Variants in LRBA observed in about 807,000 individuals in gnomAD.
LRBA encodes LPS responsive beige-like anchor protein.
Under a neutral mutation model 330.0 loss-of-function variants are expected in LRBA, and 176 were observed. The observed-to-expected ratio is 0.53, with a 90% confidence interval of 0.47 to 0.60. The LOEUF is 0.60. LRBA is among the 20% of genes least tolerant of loss of function. The probability of loss-of-function intolerance (pLI) is 0.00; values close to 1 mark genes in which losing one functional copy is unlikely to be tolerated. For synonymous variants in LRBA, 1,230 were observed against 1,193.0 expected (o/e 1.03, Z -0.64); for missense variants, 3,259 against 3,444.8 (o/e 0.95, Z 1.35).
At chr4:150,935,900 A>G (rs191089176) in intron 2 of LRBA, among the ~76,000 whole-genome samples, 15 of 152,130 alleles carry the variant, frequency 9.9e-5, no homozygotes, top group African/African-American at 3.6e-4. Context: ...ATAACTTAAA[A>G]TATCAAAAGT....
rs760298624 is a variant in LRBA at position 150,321,660 on chromosome 4, G to A, written c.7453-292C>T. On this transcript the variant is annotated intron_variant, in intron 49 of 56. Transcript: ENST00000651943. The surrounding 1 kb of genome is among the most constrained non-coding windows in gnomAD (Gnocchi z 4.5). Reference sequence around the variant, plus strand: ...GCTCCCTTTCCCTCCCCACTGCCACGAAAAACTAAAAGAATGATTTGATTT... The same window carrying A: ...GCTCCCTTTCCCTCCCCACTGCCACAAAAAACTAAAAGAATGATTTGATTT... Among the ~76,000 whole-genome samples the A allele has an allele frequency of 1.3e-5, 2 of 151,964 alleles. No homozygotes were observed. Among genetic ancestry groups the A allele is most frequent in the East Asian group, 1.9e-4 (1 of 5,176 alleles).
In LRBA at chr4:150,394,357, G is replaced by T. The variant is rs562943702; in HGVS notation, c.7194+21081C>A. On this transcript the variant is annotated intron_variant, in intron 47 of 56. Transcript: ENST00000651943. ...AAAATTTTATAAAATTACAGAGGCA[G>T]TTGATATGAAAAGTGTAAAATATGT... is the stretch of plus-strand genomic sequence containing the variant. 8.8e-4 allele frequency among the ~76,000 whole-genome samples: 134 copies of T among 152,276 alleles called. 2 individuals carry two copies. The South Asian group carries it at 0.012, about 14-fold the overall frequency.
In LRBA at chr4:150,844,127, C is replaced by A. The variant is rs144008169; in HGVS notation, c.4542G>T (p.Arg1514=). The change falls in exon 28 of 57, where the codon CGG becomes CGT. Residue 1514 remains arginine, a synonymous_variant. Coordinates refer to ENST00000651943, the MANE Select transcript of LRBA (RefSeq NM_001364905.1). The stretch of plus-strand genomic sequence containing the variant: ...TGTCTCTGAAAACAACTGCCCTAAG[C>A]CGATTAATATCCATGTCCTGTAGAA... The part of the protein sequence containing the change: ...DRLLQDMDIN[R]LRAVVFRDIE... The A allele has an allele frequency of 6.8e-5, 109 of 1,610,594 alleles. No individual in the cohort carries two copies. Among genetic ancestry groups the A allele is most frequent in the Non-Finnish European group, 9.1e-5 (107 of 1,177,736 alleles).
intron 2 of LRBA, among the ~76,000 whole-genome samples, chr4:150,933,533 A>G (rs189570703): frequency 1.3e-3 from 195 of 152,302 alleles, no homozygotes; most frequent in African/African-American, 4.4e-3. Context: ...ATTTGAGTGT[A>G]AATCATTTAC....
At chr4:150,630,684 T>C (rs2126668417) in intron 37 of LRBA, among the ~76,000 whole-genome samples, 1 of 152,276 alleles carries the variant, frequency 6.6e-6, no homozygotes, top group Non-Finnish European at 1.5e-5. Context: ...TACTCAATTA[T>C]CTTAAAAAGC....
At chr4:150,824,307 GT>G (rs1364342704) in intron 30 of LRBA, among the ~76,000 whole-genome samples, 1 of 152,066 alleles carries the variant, frequency 6.6e-6, no homozygotes, top group Non-Finnish European at 1.5e-5. Flanking sequence ...AGTTATAATA[GT>G]TTTTTATGGA....
At chr4:150,922,066 G>A (rs1306427405) in intron 4 of LRBA, among the ~76,000 whole-genome samples, 1 of 151,750 alleles carries the variant, frequency 6.6e-6, no homozygotes, top group African/African-American at 2.4e-5. Context: ...TCACCACGTT[G>A]GCCAGACTGG....
intron 29 of LRBA, among the ~76,000 whole-genome samples, chr4:150,830,778 T>C (rs1350562638): frequency 3.4e-5 from 5 of 147,126 alleles, no homozygotes; most frequent in African/African-American, 1.3e-4. Context: ...TTTTTTTTTT[T>C]TGGAAACGGA....
At chr4:150,383,466 C>T (rs1180735154) in intron 47 of LRBA, among the ~76,000 whole-genome samples, 1 of 152,080 alleles carries the variant, frequency 6.6e-6, no homozygotes, top group Non-Finnish European at 1.5e-5. Context: ...GTTGCCCAGG[C>T]TGGTCTTGAA....
rs531777025 is a variant in LRBA, at chr4:150,797,255, T to G, written c.5580+826A>C. Among the ~76,000 whole-genome samples the G allele has an allele frequency of 2.0e-5, 3 of 151,950 alleles. No individual in the cohort carries two copies. In the East Asian group the frequency reaches 5.8e-4, roughly 29 times the overall value. On this transcript the variant is annotated intron_variant, in intron 34 of 56. Transcript: ENST00000651943. ...ATTAATTTTGCATTATCCTTATTCG[T>G]TAGGCAAGTAAACCATGAGAGTTGT...
At chr4:150,740,046 G>A (rs555259139) in intron 35 of LRBA, among the ~76,000 whole-genome samples, 4 of 152,202 alleles carry the variant, frequency 2.6e-5, no homozygotes, top group East Asian at 1.9e-4. Context: ...CACAGCAGTC[G>A]CTAAGTAATA....
intron 2 of LRBA, among the ~76,000 whole-genome samples, chr4:150,938,466 A>G (rs934203664): frequency 2.6e-5 from 4 of 152,178 alleles, no homozygotes; most frequent in African/African-American, 9.6e-5. Context: ...CCATAATAAT[A>G]AAGAGTTTCT....
At chr4:150,418,146 T>G (rs1327994471) in intron 46 of LRBA, among the ~76,000 whole-genome samples, 4 of 152,024 alleles carry the variant, frequency 2.6e-5, no homozygotes, top group Non-Finnish European at 1.5e-5. Flanking sequence ...GCCTCCCAAG[T>G]GGCTAGGACT....
chr4:150,285,664 C>A (rs1435622865), intron 54 of LRBA, among the ~76,000 whole-genome samples: 1 of 152,188 alleles, frequency 6.6e-6, no homozygotes, highest in Non-Finnish European at 1.5e-5. Context: ...GAACTTTCTA[C>A]AATGATGGAA....
At chr4:150,942,884 T>C (rs1270574459) in intron 2 of LRBA, among the ~76,000 whole-genome samples, 1 of 152,172 alleles carries the variant, frequency 6.6e-6, no homozygotes, top group Non-Finnish European at 1.5e-5. Context: ...TTTTTTTCTT[T>C]AAATAGTGAG....
intron 51 of LRBA, among the ~76,000 whole-genome samples, chr4:150,313,686 A>G (rs1452020723): frequency 2.0e-5 from 3 of 151,770 alleles, no homozygotes; most frequent in African/African-American, 7.3e-5. Context: ...GAACAGCTTG[A>G]GTTTCCCTTA....
intron 14 of LRBA, among the ~76,000 whole-genome samples, 189 bp downstream of exon 14, chr4:150,899,860 G>A (rs1730529513): frequency 6.6e-6 from 1 of 152,030 alleles, no homozygotes; most frequent in Non-Finnish European, 1.5e-5. Context: ...CAAGTAGCAA[G>A]TTATTAAACT....
intron 37 of LRBA, among the ~76,000 whole-genome samples, chr4:150,661,353 C>T (rs1167689513): frequency 6.6e-6 from 1 of 150,830 alleles, no homozygotes; most frequent in African/African-American, 2.4e-5. Context: ...CCCAGCTATT[C>T]AGGAGGCTGA....
At chr4:150,594,070 CTTTAA>C (rs1212317336) in intron 38 of LRBA, among the ~76,000 whole-genome samples, 7 of 152,162 alleles carry the variant, frequency 4.6e-5, no homozygotes, top group East Asian at 1.9e-4. Flanking sequence ...CACACACCCA[CTTTAA>C]TTTATTTATT....
Sources: allele counts gnomAD v4.1 joint callset (sites outside exome capture counted in the v4.1 genomes callset), GRCh38; gene constraint gnomAD v4.1.1; non-coding constraint Gnocchi (gnomAD v3.1); transcripts MANE v1.5; gene names NCBI Gene and HGNC (gene_info 2026-07-23, HGNC 2026-07-21).